Variants in LINS1 observed in about 807,000 individuals in gnomAD.
The protein encoded by LINS1 is protein Lines homolog 1.
In LINS1, 27 loss-of-function variants were observed where a neutral mutation model predicts 41.6. That is an observed-to-expected ratio of 0.65 (90% confidence interval 0.48 to 0.89). The LOEUF (loss-of-function observed/expected upper bound fraction) is 0.89, where lower values mean the gene tolerates loss of function less well. Among genes scored for constraint, LINS1 ranks in the 40% least tolerant of loss-of-function variants. The pLI, the probability that LINS1 is intolerant of heterozygous loss-of-function variation, is 0.00. For synonymous variants in LINS1, 336 were observed against 312.9 expected, an observed-to-expected ratio of 1.07 and a Z score of -0.78; for missense variants, 955 against 884.1, an observed-to-expected ratio of 1.08 and a Z score of -1.02.
intron 1 of LINS1, among the ~76,000 whole-genome samples, chr15:100,594,993 T>G (rs2039185904): frequency 6.6e-6 from 1 of 152,198 alleles, no homozygotes; most frequent in African/African-American, 2.4e-5. Context: ...AAAGGCACTG[T>G]GAATAAGGGT....
In LINS1 at chr15:100,580,599, T is replaced by A; in HGVS notation, c.244A>T (p.Met82Leu). The change falls in exon 2 of 7, where the codon ATG becomes TTG. Residue 82 changes from methionine (M) to leucine (L), a missense_variant. Coordinates refer to ENST00000314742, the MANE Select transcript of LINS1 (RefSeq NM_001040616.3). ...APVCLKTNSQ[M>L]SGSREVMLLQ... Reference sequence around the variant, plus strand: ...AGCATTACTTCTCTGGAACCGCTCATCTGAGAGTTGGTCTTCAAACACACA... The same window carrying A: ...AGCATTACTTCTCTGGAACCGCTCAACTGAGAGTTGGTCTTCAAACACACA... 6.2e-7 allele frequency: 1 copy of A among 1,613,988 alleles called. No individual in the cohort carries two copies. The highest frequency in any genetic ancestry group is 8.5e-7 in the Non-Finnish European group (1 of 1,179,902).
Position 100,602,180 on chromosome 15 carries a change from G to C in LINS1, c.-163C>G, listed in dbSNP as rs898273473. The C allele has an allele frequency of 4.6e-5, 7 of 152,282 alleles. No individual in the cohort carries two copies. Among genetic ancestry groups the C allele is most frequent in the Admixed American group, 4.6e-4 (7 of 15,290 alleles). 9.4% of individuals were successfully genotyped at this position (152,282 alleles called of 1,614,324 possible). A position where few individuals can be genotyped will look rare whatever the true frequency, so the allele number is the denominator to read the frequency against. The stretch of plus-strand genomic sequence containing the variant: ...GCCATTTGAGGGAACACAAATGCCC[G>C]CTCTGGGCCACCGTAGTTCACAGAA... On this transcript the variant is annotated 5_prime_UTR_variant, in exon 1 of 7. Coordinates refer to ENST00000314742, the MANE Select transcript of LINS1 (RefSeq NM_001040616.3).
In LINS1 at chr15:100,572,584, G is replaced by A. The variant is rs145954694; in HGVS notation, c.1223-519C>T. ...AATTTAAAACTGAATTATATAACAG[G>A]TGCCATCTAGTGTTATAAATTAAAA... On this transcript the variant is annotated intron_variant, in intron 5 of 6. Transcript: ENST00000314742. 76 of 992,142 alleles carry A rather than the reference G, an allele frequency of 7.7e-5. No individual in the cohort carries two copies. The African/African-American group carries it at 1.2e-3, about 16-fold the overall frequency. The allele number at this position is 992,142 out of a possible 1,614,324, so 61.5% of individuals were successfully genotyped here. A position where few individuals can be genotyped will look rare whatever the true frequency, so the allele number is the denominator to read the frequency against.
chr15:100,585,914 A>G (rs1176066603), intron 1 of LINS1, among the ~76,000 whole-genome samples: 1 of 152,244 alleles, frequency 6.6e-6, no homozygotes, highest in African/African-American at 2.4e-5. Flanking sequence ...TCTTTGCTAG[A>G]TATTTTGGGA....
chr15:100,581,613 G>T (rs537966215), intron 1 of LINS1, among the ~76,000 whole-genome samples: 4 of 152,208 alleles, frequency 2.6e-5, no homozygotes, highest in African/African-American at 9.7e-5. Flanking sequence ...AAAAACTTAG[G>T]ACTTTGGCAT....
At chr15:100,574,725 A>T (rs2038057136) in intron 4 of LINS1, among the ~76,000 whole-genome samples, 1 of 152,248 alleles carries the variant, frequency 6.6e-6, no homozygotes, top group East Asian at 1.9e-4. Flanking sequence ...AAAACAAAAC[A>T]AAACAAAAAA....
intron 1 of LINS1, among the ~76,000 whole-genome samples, chr15:100,600,551 CAAAAAAAAAAAAA>C (rs56911211): frequency 1.3e-5 from 1 of 79,674 alleles, no homozygotes; most frequent in African/African-American, 6.7e-5. Context: ...TGCTGTTAAG[CAAAAAAAAAAAAA>C]AAAAAAACAG....
Position 100,569,185 on chromosome 15 carries a change from G to T in LINS1, c.*53C>A. ...TGATTTTATACTATTACCTCATTGA[G>T]ACATAATTTATATTAAGGAAAAACA... On this transcript the variant is annotated 3_prime_UTR_variant, in exon 7 of 7. Coordinates refer to ENST00000314742, the MANE Select transcript of LINS1 (RefSeq NM_001040616.3). 1.7e-6 allele frequency: 2 copies of T among 1,191,172 alleles called. No homozygotes were observed. Among genetic ancestry groups the T allele is most frequent in the Non-Finnish European group, 2.5e-6 (2 of 808,750 alleles). 73.8% of individuals were successfully genotyped at this position (1,191,172 alleles called of 1,614,324 possible).
In LINS1 at chr15:100,586,737, T is replaced by C. The variant is rs1228056670; in HGVS notation, c.-103-5792A>G. Among the ~76,000 whole-genome samples the C allele has an allele frequency of 7.2e-5, 11 of 152,304 alleles. No individual in the cohort carries two copies. The East Asian group carries it at 1.9e-3, about 27-fold the overall frequency. ...AATACCATAGTAAGAAACCAGTAAG[T>C]AGCGGATAAACATGTGGAAAAAATT... On this transcript the variant is annotated intron_variant, in intron 1 of 6. Coordinates refer to ENST00000314742, the MANE Select transcript of LINS1 (RefSeq NM_001040616.3).
intron 1 of LINS1, among the ~76,000 whole-genome samples, chr15:100,594,537 C>T (rs2039166540): frequency 6.6e-6 from 1 of 152,170 alleles, no homozygotes; most frequent in Non-Finnish European, 1.5e-5. Context: ...CCAAAATCTA[C>T]AGATGCCCAA....
At chr15:100,601,765 C>CT (rs1006565484) in intron 1 of LINS1, among the ~76,000 whole-genome samples, 1 of 152,136 alleles carries the variant, frequency 6.6e-6, no homozygotes. Context: ...CTTGATCAGT[C>CT]TATCTCGCGT....
intron 5 of LINS1, chr15:100,573,422 A>C: frequency 9.2e-7 from 1 of 1,088,128 alleles, no homozygotes; most frequent in Non-Finnish European, 1.2e-6. Context: ...TTTAAACCTA[A>C]ATCATTCCTT....
intron 3 of LINS1, among the ~76,000 whole-genome samples, chr15:100,579,133 C>T (rs906809475): frequency 2.0e-5 from 3 of 151,728 alleles, no homozygotes; most frequent in African/African-American, 4.8e-5. Context: ...ATGTAACAAA[C>T]CTGCACGTTG....
chr15:100,597,830 G>A (rs551096517), intron 1 of LINS1, among the ~76,000 whole-genome samples: 1 of 152,276 alleles, frequency 6.6e-6, no homozygotes, highest in South Asian at 2.1e-4. Flanking sequence ...CCTAAATTCT[G>A]TACACAGACA....
At chr15:100,592,421 C>G (rs1413613009) in intron 1 of LINS1, among the ~76,000 whole-genome samples, 1 of 152,086 alleles carries the variant, frequency 6.6e-6, no homozygotes, top group Non-Finnish European at 1.5e-5. Flanking sequence ...TAGACTCAAC[C>G]TTGAGTCCCT....
Position 100,573,870 on chromosome 15 carries a change from G to C in LINS1, c.1003C>G (p.Leu335Val). ...TGCAAAACAGCATTAGCTAAAGCCA[G>C]CATGTCCACCGCTACATGATGGTCT... ...PPDHHVAVDM[L>V]ALANAVLQAV... Residue 335 changes from leucine (L) to valine (V), a missense_variant, in exon 5 of 7, where the codon CTG becomes GTG. Transcript: ENST00000314742. 1 of 1,614,220 alleles carries C rather than the reference G, an allele frequency of 6.2e-7. No individual in the cohort carries two copies. The highest frequency in any genetic ancestry group is 1.3e-5 in the African/African-American group (1 of 75,066).
At chr15:100,598,320 G>C (rs2039334651) in intron 1 of LINS1, among the ~76,000 whole-genome samples, 1 of 152,118 alleles carries the variant, frequency 6.6e-6, no homozygotes, top group Admixed American at 6.5e-5. Flanking sequence ...CCTAAAATCA[G>C]TCCCAAAGTA....
rs74039430 is a variant in LINS1 at position 100,573,414 on chromosome 15, T to A, written c.1222+237A>T. The A allele has an allele frequency of 6.0e-3, 6,818 of 1,138,610 alleles. 294 individuals carry two copies. The African/African-American group carries it at 0.097, about 16-fold the overall frequency. 70.5% of individuals were successfully genotyped at this position (1,138,610 alleles called of 1,614,324 possible). On this transcript the variant is annotated intron_variant, in intron 5 of 6. Transcript: ENST00000314742. ...TGAGATGACTCAACAGCAACTTTTT[T>A]AAACCTAAATCATTCCTTATGCTTT...
chr15:100,601,803 C>T (rs988133471), intron 1 of LINS1, among the ~76,000 whole-genome samples: 1 of 152,110 alleles, frequency 6.6e-6, no homozygotes, highest in African/African-American at 2.4e-5. Context: ...TCCATTCATT[C>T]ACAGGAACCC....
Sources: gnomAD v4.1 joint callset for allele counts (sites outside exome capture counted in the v4.1 genomes callset) on GRCh38, gnomAD v4.1.1 for gene constraint, MANE v1.5 for transcripts, NCBI Gene and HGNC (gene_info 2026-07-23, HGNC 2026-07-21) for gene names.